ADAMTS3: variants seen among roughly 807,000 people sequenced by gnomAD.
ADAMTS3 encodes ADAM metallopeptidase with thrombospondin type 1 motif 3.
In ADAMTS3, 73 loss-of-function variants were observed where a neutral mutation model predicts 129.0. The observed-to-expected ratio is 0.57, with a 90% confidence interval of 0.47 to 0.69. The LOEUF is 0.69. Ranked by LOEUF, ADAMTS3 falls within the 30% of genes least tolerant of loss-of-function variation. The pLI is 0.00. For missense variants in ADAMTS3, 1,457 were observed against 1,514.5 expected (o/e 0.96, Z 0.63); for synonymous variants, 477 against 510.8 (o/e 0.93, Z 0.89).
At position 72,311,088 on chromosome 4, in the gene ADAMTS3, T is replaced by G. The variant is rs1399226976; in HGVS notation, c.2015A>C (p.Tyr672Ser). Residue 672 changes from tyrosine (Y) to serine (S), a missense_variant, in exon 14 of 22, where the codon TAC becomes TCC. Tyr to Ser is a moderately radical substitution (Grantham distance 144). Coordinates refer to ENST00000286657, the MANE Select transcript of ADAMTS3 (RefSeq NM_014243.3). ...QLVHDGTHCS[Y>S]KDPYSICVRG... ...CACACATATGCTATATGGATCTTTG[T>G]AAGAACAGTGCGTTCCATCATGCAC... 6.2e-7 allele frequency: 1 copy of G among 1,611,862 alleles called. No individual in the cohort carries two copies. Among genetic ancestry groups the G allele is most frequent in the Non-Finnish European group, 8.5e-7 (1 of 1,178,528 alleles).
chr4:72,286,835 T>C (rs553747687), intron 21 of ADAMTS3, among the ~76,000 whole-genome samples: 3 of 151,466 alleles, frequency 2.0e-5, no homozygotes, highest in African/African-American at 7.3e-5. Flanking sequence ...AGAGACTGAC[T>C]TGGGGAGAGA....
intron 4 of ADAMTS3, among the ~76,000 whole-genome samples, chr4:72,345,423 TA>T (rs1199706433): frequency 6.6e-6 from 1 of 152,182 alleles, no homozygotes; most frequent in African/African-American, 2.4e-5. Context: ...GACATCTTTT[TA>T]AAAAAATTTA....
intron 3 of ADAMTS3, among the ~76,000 whole-genome samples, chr4:72,521,621 C>G (rs1243172299): frequency 6.6e-6 from 1 of 152,010 alleles, no homozygotes; most frequent in Non-Finnish European, 1.5e-5. Flanking sequence ...AAAAATAAAT[C>G]CTACAAGAAA....
chr4:72,342,852 C>G (rs994718140), intron 4 of ADAMTS3, among the ~76,000 whole-genome samples: 1 of 152,168 alleles, frequency 6.6e-6, no homozygotes, highest in Non-Finnish European at 1.5e-5. Flanking sequence ...TTTCCAACAC[C>G]TATTGAAGTG....
At chr4:72,451,863 A>G (rs763711315) in intron 3 of ADAMTS3, among the ~76,000 whole-genome samples, 26 of 151,874 alleles carry the variant, frequency 1.7e-4, no homozygotes, top group Admixed American at 3.3e-4. Flanking sequence ...TTGAAAGGCC[A>G]AAATTTGAGG....
chr4:72,299,294 T>G (rs1277999252), intron 17 of ADAMTS3, among the ~76,000 whole-genome samples: 1 of 152,014 alleles, frequency 6.6e-6, no homozygotes, highest in Non-Finnish European at 1.5e-5. Flanking sequence ...CAGTGATGGA[T>G]GCACTGAAGG....
chr4:72,325,438 A>G (rs1719674529), intron 5 of ADAMTS3, among the ~76,000 whole-genome samples: 1 of 152,168 alleles, frequency 6.6e-6, no homozygotes, highest in East Asian at 1.9e-4. Context: ...GTCAACAACC[A>G]GGCCTGTCAC....
chr4:72,400,930 C>CAT (rs778558804), intron 4 of ADAMTS3, among the ~76,000 whole-genome samples: 3 of 147,312 alleles, frequency 2.0e-5, no homozygotes, highest in Non-Finnish European at 3.0e-5. Context: ...TATATATACA[C>CAT]ATATATATAT....
At chr4:72,559,013 G>C (rs1268768984) in intron 2 of ADAMTS3, among the ~76,000 whole-genome samples, 2 of 151,730 alleles carry the variant, frequency 1.3e-5, no homozygotes, top group Non-Finnish European at 2.9e-5. Flanking sequence ...TGTGGGAGGT[G>C]TAGGGGGAGG....
intron 4 of ADAMTS3, among the ~76,000 whole-genome samples, chr4:72,340,316 A>AGT (rs35463239): frequency 0.86 from 126,134 of 147,374 alleles, 55,710 homozygotes; most frequent in South Asian, 0.96. Flanking sequence ...TATATACATA[A>AGT]GTGTGTGTGT....
intron 4 of ADAMTS3, among the ~76,000 whole-genome samples, chr4:72,379,468 G>T (rs1466798803): frequency 6.9e-6 from 1 of 145,414 alleles, no homozygotes; most frequent in African/African-American, 2.5e-5. Flanking sequence ...TTTTGGACTA[G>T]ATAAATCAAT....
chr4:72,358,032 G>A (rs1481815531), intron 4 of ADAMTS3, among the ~76,000 whole-genome samples: 1 of 151,884 alleles, frequency 6.6e-6, no homozygotes, highest in Non-Finnish European at 1.5e-5. Context: ...TCCCAAAAAA[G>A]TGATTTGATA....
At chr4:72,408,898 A>G (rs1394634696) in intron 4 of ADAMTS3, among the ~76,000 whole-genome samples, 1 of 151,706 alleles carries the variant, frequency 6.6e-6, no homozygotes, top group Non-Finnish European at 1.5e-5. Flanking sequence ...GGAGAACATC[A>G]CACACCAGGG....
At chr4:72,529,928 A>ATAATATATTATATTTATATATAATATG (rs1720931789) in intron 3 of ADAMTS3, among the ~76,000 whole-genome samples, 1 of 60,500 alleles carries the variant, frequency 1.7e-5, no homozygotes, top group Non-Finnish European at 2.8e-5. Flanking sequence ...TAAATATTAT[A>ATAATATATTATATTTATATATAATATG]TAATATATTA....
At chr4:72,393,937 C>T (rs1341343833) in intron 4 of ADAMTS3, among the ~76,000 whole-genome samples, 1 of 152,150 alleles carries the variant, frequency 6.6e-6, no homozygotes, top group Non-Finnish European at 1.5e-5. Flanking sequence ...ATGCAAAGGA[C>T]AGTAGAAGAT....
At chr4:72,381,104 A>G (rs1245573438) in intron 4 of ADAMTS3, among the ~76,000 whole-genome samples, 2 of 152,104 alleles carry the variant, frequency 1.3e-5, no homozygotes, top group African/African-American at 4.8e-5. Flanking sequence ...AAATTGTTCT[A>G]TTTTTAGTAT....
At position 72,323,049 on chromosome 4, in the gene ADAMTS3, C is replaced by T; in HGVS notation, c.910G>A (p.Val304Ile). ...DESLGVHINV[V>I]LVRMIMLGYA... ...CCCAGCATTATCATGCGCACCAGGACCACATTTATATGCACTCCGAGGGAC... is the reference window on the plus strand; with the variant it reads ...CCCAGCATTATCATGCGCACCAGGATCACATTTATATGCACTCCGAGGGAC... The change falls in exon 6 of 22, where the codon GTC becomes ATC. Residue 304 changes from valine (V) to isoleucine (I), a missense_variant. Transcript: ENST00000286657. 6.2e-7 allele frequency: 1 copy of T among 1,613,634 alleles called. No individual in the cohort carries two copies. Among genetic ancestry groups the T allele is most frequent in the Non-Finnish European group, 8.5e-7 (1 of 1,179,718 alleles).
intron 13 of ADAMTS3, 73 bp downstream of exon 13, chr4:72,312,218 G>T: frequency 2.6e-6 from 4 of 1,530,310 alleles, no homozygotes; most frequent in Non-Finnish European, 3.6e-6. Context: ...AGAGTCCATG[G>T]GGTTCGTGCT....
At chr4:72,447,213 A>C (rs929413635) in intron 3 of ADAMTS3, among the ~76,000 whole-genome samples, 1 of 151,716 alleles carries the variant, frequency 6.6e-6, no homozygotes, top group Non-Finnish European at 1.5e-5. Flanking sequence ...CCAATATCTG[A>C]AAATCCCTTA....
Sources: allele counts gnomAD v4.1 joint callset (sites outside exome capture counted in the v4.1 genomes callset), GRCh38; gene constraint gnomAD v4.1.1; transcripts MANE v1.5; gene names NCBI Gene and HGNC (gene_info 2026-07-23, HGNC 2026-07-21).